UXS1: variants seen among roughly 807,000 people sequenced by gnomAD.
UXS1 encodes UDP-glucuronate decarboxylase 1.
UXS1 carries 33 observed loss-of-function variants against 62.6 expected under a neutral mutation model. The observed-to-expected ratio is 0.53, with a 90% CI of 0.40 to 0.70. The LOEUF (loss-of-function observed/expected upper bound fraction) is 0.70, where lower values mean the gene tolerates loss of function less well. UXS1 is among the 30% of genes least tolerant of loss of function. The probability of loss-of-function intolerance (pLI) is 0.00; values close to 1 mark genes in which losing one functional copy is unlikely to be tolerated. For missense variants in UXS1, 434 were observed against 556.3 expected (o/e 0.78, Z 2.21); for synonymous variants, 213 against 206.8 (o/e 1.03, Z -0.26).
At chr2:106,138,363 GA>G (rs1257989172) in intron 6 of UXS1, 1 of 985,448 alleles carries the variant, frequency 1.0e-6, no homozygotes, top group Non-Finnish European at 1.2e-6. Context: ...ACTAGACGAT[GA>G]GCTCACTGAG....
Position 106,125,680 on chromosome 2 carries a change from C to A in UXS1, c.578-1G>T. On this transcript the variant is annotated splice_acceptor_variant, in intron 7 of 14. Coordinates refer to ENST00000283148, the MANE Select transcript of UXS1 (RefSeq NM_001253875.2). LOFTEE classifies it high-confidence loss of function. Reference sequence around the variant, plus strand: ...CGGGCACCGACTCGTTTTGCCAGCCCTACAGAAAGCAATGACATGATAAAA... The same window carrying A: ...CGGGCACCGACTCGTTTTGCCAGCCATACAGAAAGCAATGACATGATAAAA... 1 of 1,574,198 alleles carries A rather than the reference C, an allele frequency of 6.4e-7. No individual in the cohort carries two copies.
At chr2:106,181,098 C>T (rs1001083211) in intron 1 of UXS1, among the ~76,000 whole-genome samples, 2 of 152,148 alleles carry the variant, frequency 1.3e-5, no homozygotes, top group Middle Eastern at 3.2e-3. Flanking sequence ...GGAGGGAATC[C>T]CTCCTAGTTC....
At chr2:106,170,118 G>A (rs1036996967) in intron 1 of UXS1, among the ~76,000 whole-genome samples, 2 of 151,990 alleles carry the variant, frequency 1.3e-5, no homozygotes, top group African/African-American at 4.8e-5. Context: ...TCCCCACTCA[G>A]ACCTCCACGC....
At chr2:106,109,797 C>A (rs543756186) in intron 10 of UXS1, among the ~76,000 whole-genome samples, 212 of 152,306 alleles carry the variant, frequency 1.4e-3, no homozygotes, top group Non-Finnish European at 2.7e-3. Context: ...GGAATCTGCT[C>A]AAAAACACGG....
At chr2:106,174,097 G>A (rs1379592550) in intron 1 of UXS1, among the ~76,000 whole-genome samples, 2 of 151,918 alleles carry the variant, frequency 1.3e-5, no homozygotes, top group South Asian at 2.1e-4. Context: ...ATTGGGGGGG[G>A]CGGGGGCGGG....
intron 1 of UXS1, among the ~76,000 whole-genome samples, chr2:106,174,739 C>T (rs1683771548): frequency 6.6e-6 from 1 of 152,220 alleles, no homozygotes; most frequent in Non-Finnish European, 1.5e-5. Context: ...GCACCTACTC[C>T]ACGTGGGCCT....
intron 5 of UXS1, among the ~76,000 whole-genome samples, chr2:106,152,261 G>T (rs910117001): frequency 6.6e-6 from 1 of 152,134 alleles, no homozygotes; most frequent in Non-Finnish European, 1.5e-5. Context: ...AGACCAGCCT[G>T]GCCAACATGG....
chr2:106,190,418 A>G (rs1367221820), intron 1 of UXS1, among the ~76,000 whole-genome samples: 2 of 152,166 alleles, frequency 1.3e-5, no homozygotes, highest in East Asian at 1.9e-4. Flanking sequence ...CAATGGCACA[A>G]TGATAAATAC....
chr2:106,094,927 C>T (rs1676952898), intron 14 of UXS1, among the ~76,000 whole-genome samples: 1 of 152,204 alleles, frequency 6.6e-6, no homozygotes, highest in African/African-American at 2.4e-5. Context: ...TAAATATGGG[C>T]AGTGTGCAGT....
intron 1 of UXS1, chr2:106,166,400 T>C: frequency 4.6e-6 from 1 of 218,048 alleles, no homozygotes; most frequent in Non-Finnish European, 9.0e-6. Flanking sequence ...TTCTAAGTTA[T>C]CAAGAATTTA....
Position 106,123,155 on chromosome 2 carries a change from A to G in UXS1, c.638-64T>C, listed in dbSNP as rs1679657001. 6 of 1,599,012 alleles carry G rather than the reference A, an allele frequency of 3.8e-6. No individual in the cohort carries two copies. The East Asian group carries it at 9.0e-5, about 24-fold the overall frequency. On this transcript the variant is annotated intron_variant, in intron 8 of 14. Coordinates refer to ENST00000283148, the MANE Select transcript of UXS1 (RefSeq NM_001253875.2). ...TTTTTCCAGTTCATATCAATAATGC[A>G]TATTTATGATGCAAAAGGGAACTTC...
chr2:106,190,753 A>AAAG (rs1169941112), intron 1 of UXS1, among the ~76,000 whole-genome samples: 4 of 151,554 alleles, frequency 2.6e-5, no homozygotes, highest in Admixed American at 2.0e-4. Context: ...CAAAAAAAAA[A>AAAG]AAAAAAGAAA....
chr2:106,109,182 C>G (rs772295235), intron 10 of UXS1, among the ~76,000 whole-genome samples: 81 of 152,056 alleles, frequency 5.3e-4, no homozygotes, highest in Admixed American at 9.2e-4. Context: ...TCTTTCCCCC[C>G]CGAAAAATCC....
intron 9 of UXS1, among the ~76,000 whole-genome samples, chr2:106,119,251 T>C (rs186023535): frequency 4.1e-4 from 62 of 152,304 alleles, no homozygotes; most frequent in Non-Finnish European, 4.4e-5. Context: ...TGGAGCTGCA[T>C]GGTCTCCTCT....
intron 1 of UXS1, among the ~76,000 whole-genome samples, chr2:106,192,693 C>T (rs942189448): frequency 1.3e-5 from 2 of 152,174 alleles, no homozygotes; most frequent in African/African-American, 4.8e-5. Flanking sequence ...CTCCTGCTCC[C>T]AGGCCTTTCT....
chr2:106,193,113 C>CTG (rs1439939266), intron 1 of UXS1, among the ~76,000 whole-genome samples: 17 of 152,136 alleles, frequency 1.1e-4, no homozygotes, highest in Admixed American at 3.9e-4. Context: ...AACAGCTGGG[C>CTG]TGTAGCACAC....
chr2:106,104,995 C>T (rs369158293), intron 10 of UXS1, among the ~76,000 whole-genome samples, 158 bp from the exon 11 acceptor site: 8 of 152,318 alleles, frequency 5.3e-5, no homozygotes, highest in East Asian at 1.9e-4. Flanking sequence ...CACTCTACTT[C>T]GAGACCATGC....
At chr2:106,152,129 C>T (rs968659299) in intron 5 of UXS1, among the ~76,000 whole-genome samples, 1 of 152,132 alleles carries the variant, frequency 6.6e-6, no homozygotes, top group African/African-American at 2.4e-5. Context: ...TTTAAATAAC[C>T]ATTAAAAGTC....
intron 8 of UXS1, among the ~76,000 whole-genome samples, 156 bp downstream of exon 8, chr2:106,125,464 C>T: frequency 6.6e-6 from 1 of 152,222 alleles, no homozygotes; most frequent in African/African-American, 2.4e-5. Context: ...GGAAGAGGAG[C>T]TTGGCGACCC....
Sources: allele counts gnomAD v4.1 joint callset (sites outside exome capture counted in the v4.1 genomes callset), GRCh38; gene constraint gnomAD v4.1.1; transcripts MANE v1.5; gene names NCBI Gene and HGNC (gene_info 2026-07-23, HGNC 2026-07-21).